Variants in R3HDM1 observed in about 807,000 individuals in gnomAD.
R3HDM1 encodes the protein R3H domain-containing protein 1.
R3HDM1 carries 46 observed loss-of-function variants against 141.1 expected under a neutral mutation model. The ratio of observed to expected loss-of-function variants is 0.33; its 90% CI spans 0.26 to 0.42. The LOEUF (loss-of-function observed/expected upper bound fraction) is 0.42. R3HDM1 is among the 10% of genes least tolerant of loss of function. The pLI is 1.00. For synonymous variants in R3HDM1, 435 were observed against 472.9 expected (o/e 0.92, Z 1.04); for missense variants, 1,184 against 1,368.3 (o/e 0.87, Z 2.12).
chr2:135,607,573 A>G (rs1038240131), intron 3 of R3HDM1, among the ~76,000 whole-genome samples: 3 of 152,380 alleles, frequency 2.0e-5, no homozygotes, highest in East Asian at 1.9e-4. Flanking sequence ...TCCTGATTGC[A>G]TCAGAGAAAA....
At chr2:135,597,064 C>A in intron 1 of R3HDM1, 1 of 982,658 alleles carries the variant, frequency 1.0e-6, no homozygotes, top group Non-Finnish European at 1.2e-6. Flanking sequence ...TAACACCTTG[C>A]CTCTCCATAT....
Position 135,637,783 on chromosome 2 carries a change from T to G in R3HDM1, c.904-835T>G, listed in dbSNP as rs77115951. Reference sequence around the variant, plus strand: ...TGGACTTCTGGGGTTTTTGGTGGTGTTTTTTTGTTTCGTTTTTTACTTTTG... The same window carrying G: ...TGGACTTCTGGGGTTTTTGGTGGTGGTTTTTTGTTTCGTTTTTTACTTTTG... On this transcript the variant is annotated intron_variant, in intron 11 of 26. Coordinates refer to ENST00000683871, the MANE Select transcript of R3HDM1 (RefSeq NM_001378107.1). Among the ~76,000 whole-genome samples, 1,624 of 152,238 alleles carry G rather than the reference T, an allele frequency of 0.011. 96 individuals are homozygous for G. The East Asian group carries it at 0.19, about 17-fold the overall frequency.
chr2:135,650,061 C>T, intron 17 of R3HDM1, 58 bp downstream of exon 17: 1 of 1,138,404 alleles, frequency 8.8e-7, no homozygotes, highest in South Asian at 2.0e-5. Flanking sequence ...GTGATGAATG[C>T]TCAAGAGTGT....
intron 1 of R3HDM1, among the ~76,000 whole-genome samples, chr2:135,543,999 T>C (rs962262934): frequency 7.9e-5 from 12 of 152,246 alleles, no homozygotes; most frequent in African/African-American, 2.9e-4. Context: ...TCTTAACAAC[T>C]GAACAAGTTA....
intron 21 of R3HDM1, among the ~76,000 whole-genome samples, chr2:135,689,279 C>T (rs548778659): frequency 6.6e-6 from 1 of 152,306 alleles, no homozygotes; most frequent in East Asian, 1.9e-4. Flanking sequence ...TGATGTCTAT[C>T]ACTGTTTATT....
At chr2:135,550,628 T>C (rs754323791) in intron 1 of R3HDM1, among the ~76,000 whole-genome samples, 2 of 152,250 alleles carry the variant, frequency 1.3e-5, no homozygotes, top group Non-Finnish European at 2.9e-5. Flanking sequence ...CAGAAATGGC[T>C]ACTGATTAAA....
chr2:135,630,281 C>CAAAAAAAAAAACAAAAAAA (rs2062533893), intron 7 of R3HDM1, among the ~76,000 whole-genome samples: 3 of 39,298 alleles, frequency 7.6e-5, no homozygotes, highest in African/African-American at 2.8e-4. Context: ...CCTTCTCAAC[C>CAAAAAAAAAAACAAAAAAA]AAAAAAAAAA....
intron 9 of R3HDM1, 49 bp downstream of exon 9, chr2:135,632,050 C>T: frequency 7.5e-7 from 1 of 1,332,900 alleles, no homozygotes; most frequent in Non-Finnish European, 1.0e-6. Context: ...AATAATAATA[C>T]TTTATCTTTC....
At chr2:135,706,270 G>GA (rs2074898349) in intron 21 of R3HDM1, among the ~76,000 whole-genome samples, 1 of 151,630 alleles carries the variant, frequency 6.6e-6, no homozygotes, top group Non-Finnish European at 1.5e-5. Context: ...TCCTAAACAG[G>GA]AAAAAAATAT....
rs1406733095 is a variant in R3HDM1, at chr2:135,725,064, A to G, written c.*772A>G. ...CTCCTTGTGGATTTTTTGTCACCTA[A>G]GGAAATGCATTTGATGAGTGCTGGA... On this transcript the variant is annotated 3_prime_UTR_variant, in exon 27 of 27. Coordinates refer to ENST00000683871, the MANE Select transcript of R3HDM1 (RefSeq NM_001378107.1). 3 of 152,516 alleles carry G rather than the reference A, an allele frequency of 2.0e-5. No homozygotes were observed. The highest frequency in any genetic ancestry group is 7.2e-5 in the African/African-American group (3 of 41,422). The allele number at this position is 152,516 out of a possible 1,614,324, so 9.4% of individuals were successfully genotyped here.
intron 19 of R3HDM1, among the ~76,000 whole-genome samples, chr2:135,662,228 T>C (rs1234151535): frequency 6.6e-6 from 1 of 152,234 alleles, no homozygotes; most frequent in Non-Finnish European, 1.5e-5. Flanking sequence ...TCCCTGACTA[T>C]GTGAGTGTGA....
chr2:135,663,469 T>C (rs2067032909), intron 19 of R3HDM1, among the ~76,000 whole-genome samples: 1 of 152,228 alleles, frequency 6.6e-6, no homozygotes, highest in African/African-American at 2.4e-5. Flanking sequence ...ACTTACAGCT[T>C]AAGTTAGTTG....
chr2:135,712,025 A>G (rs2105443972), intron 23 of R3HDM1, among the ~76,000 whole-genome samples: 1 of 151,980 alleles, frequency 6.6e-6, no homozygotes, highest in African/African-American at 2.4e-5. Context: ...GTATACTGAA[A>G]TATTTACAAG....
chr2:135,641,496 A>C (rs2063787746), intron 14 of R3HDM1, 40 bp from the exon 15 acceptor site: 2 of 1,550,318 alleles, frequency 1.3e-6, no homozygotes, highest in African/African-American at 2.8e-5. Context: ...TTTTTATATG[A>C]GGTTTAAAAA....
intron 19 of R3HDM1, among the ~76,000 whole-genome samples, chr2:135,674,171 T>C (rs1235011601): frequency 6.6e-6 from 1 of 152,222 alleles, no homozygotes; most frequent in African/African-American, 2.4e-5. Flanking sequence ...TATTCAATTA[T>C]TTAGTCCCTG....
At chr2:135,622,925 T>C (rs1420510397) in intron 7 of R3HDM1, 193 bp downstream of exon 7, 1 of 984,158 alleles carries the variant, frequency 1.0e-6, no homozygotes, top group Non-Finnish European at 1.2e-6. Flanking sequence ...TTTTGCATTA[T>C]GCATGTCACC....
At chr2:135,622,774 C>T (rs1461980862) in intron 7 of R3HDM1, 42 bp downstream of exon 7, 1 of 1,497,794 alleles carries the variant, frequency 6.7e-7, no homozygotes, top group East Asian at 2.4e-5. Context: ...TTCTAGAGTA[C>T]CATAATTTTG....
chr2:135,647,214 T>C (rs1292940310), intron 16 of R3HDM1, among the ~76,000 whole-genome samples: 2 of 152,216 alleles, frequency 1.3e-5, no homozygotes, highest in Non-Finnish European at 2.9e-5. Context: ...TTACATACAA[T>C]GAGCTCGCAT....
At chr2:135,692,940 T>C (rs193040413) in intron 21 of R3HDM1, among the ~76,000 whole-genome samples, 46 of 152,290 alleles carry the variant, frequency 3.0e-4, no homozygotes, top group Middle Eastern at 6.8e-3. Flanking sequence ...CATGTTGGGA[T>C]TGAAAATCAG....
Sources: gnomAD v4.1 joint callset for allele counts (sites outside exome capture counted in the v4.1 genomes callset) on GRCh38, gnomAD v4.1.1 for gene constraint, MANE v1.5 for transcripts, NCBI Gene and HGNC (gene_info 2026-07-23, HGNC 2026-07-21) for gene names.